GPC5: variants seen among roughly 807,000 people sequenced by gnomAD.
The protein encoded by GPC5 is glypican-5.
A neutral mutation model predicts 53.9 loss-of-function variants in GPC5; 47 were observed. The ratio of observed to expected loss-of-function variants is 0.87; its 90% CI spans 0.69 to 1.11. The LOEUF (loss-of-function observed/expected upper bound fraction) is 1.11, where lower values mean the gene tolerates loss of function less well. Ranked by LOEUF, GPC5 falls within the 50% of genes most tolerant of loss-of-function variation. The pLI is 0.00. For synonymous variants in GPC5, 286 were observed against 263.3 expected (o/e 1.09, Z -0.84); for missense variants, 748 against 713.1 (o/e 1.05, Z -0.56).
intron 7 of GPC5, among the ~76,000 whole-genome samples, chr13:92,472,380 G>A (rs4300502): frequency 6.6e-6 from 1 of 152,104 alleles, no homozygotes; most frequent in Non-Finnish European, 1.5e-5. Flanking sequence ...TTGTAGTCTA[G>A]TAAGGTTGTT....
intron 7 of GPC5, among the ~76,000 whole-genome samples, chr13:92,606,873 A>G (rs1884277232): frequency 1.3e-5 from 2 of 152,196 alleles, no homozygotes; most frequent in Admixed American, 1.3e-4. Flanking sequence ...CAATGTAAAT[A>G]TCACTTGCAA....
rs140373665 is a variant in GPC5, at chr13:92,221,868, G to GAA, written c.1561+76883_1561+76884dup. Among the ~76,000 whole-genome samples the GAA allele has an allele frequency of 5.9e-5, 9 of 151,886 alleles. No homozygotes were observed. In the East Asian group the frequency reaches 1.4e-3, roughly 23 times the overall value. On this transcript the variant is annotated intron_variant, in intron 7 of 7. Transcript: ENST00000377067. ...GATATATCTCTTTAAACTCCCTAGA[G>GAA]AAAAATGACAATATACATTTAAATT...
intron 5 of GPC5, among the ~76,000 whole-genome samples, chr13:91,808,747 C>T (rs183491993): frequency 3.9e-4 from 59 of 152,118 alleles, no homozygotes; most frequent in Admixed American, 1.0e-3. Flanking sequence ...GCTTAGGACA[C>T]GGCTTGTCAT....
chr13:92,038,398 C>A (rs994825503), intron 6 of GPC5, among the ~76,000 whole-genome samples: 1 of 149,380 alleles, frequency 6.7e-6, no homozygotes, highest in African/African-American at 2.5e-5. Flanking sequence ...ATAGATAGAT[C>A]GATCCCTGTT....
intron 7 of GPC5, among the ~76,000 whole-genome samples, chr13:92,508,565 G>T (rs1364785087): frequency 1.3e-5 from 2 of 152,172 alleles, no homozygotes; most frequent in Non-Finnish European, 2.9e-5. Context: ...GAGACATTAA[G>T]TAACTTGCCC....
chr13:92,684,291 G>A (rs1887192573), intron 7 of GPC5, among the ~76,000 whole-genome samples: 2 of 150,894 alleles, frequency 1.3e-5, no homozygotes, highest in African/African-American at 4.9e-5. Context: ...TTGTTTTTGA[G>A]ACGGAGTCTT....
chr13:91,856,595 A>G (rs896446882), intron 5 of GPC5, among the ~76,000 whole-genome samples: 7 of 151,328 alleles, frequency 4.6e-5, no homozygotes, highest in East Asian at 1.9e-4. Flanking sequence ...GGCCATTCGT[A>G]TATCTTTTTT....
At chr13:92,843,473 T>C (rs772200752) in intron 7 of GPC5, among the ~76,000 whole-genome samples, 4 of 152,116 alleles carry the variant, frequency 2.6e-5, no homozygotes, top group Non-Finnish European at 5.9e-5. Flanking sequence ...AACTACATGG[T>C]TGAATTTAAG....
At position 91,739,202 on chromosome 13, in the gene GPC5, AAG is replaced by A. The variant is rs1334404458; in HGVS notation, c.1154+10538_1154+10539del. Among the ~76,000 whole-genome samples the A allele has an allele frequency of 4.0e-5, 6 of 151,532 alleles. No individual in the cohort carries two copies. In the South Asian group the frequency reaches 1.2e-3, roughly 31 times the overall value. ...ACACGTTGTGTCTAAGTGGTATGGA[AAG>A]TGTAGTGGAACAAATATAATATGAG... On this transcript the variant is annotated intron_variant, in intron 4 of 7. Coordinates refer to ENST00000377067, the MANE Select transcript of GPC5 (RefSeq NM_004466.6).
rs138091545 is a variant in GPC5, at chr13:91,754,526, A to G, written c.1155-1769A>G. Among the ~76,000 whole-genome samples, 912 of 152,192 alleles carry G rather than the reference A, an allele frequency of 6.0e-3. 9 individuals carry two copies. Among genetic ancestry groups the G allele is most frequent in the Middle Eastern group, 0.02 (6 of 294 alleles). On this transcript the variant is annotated intron_variant, in intron 4 of 7. Transcript: ENST00000377067. ...AAATATTTACAATTTTACATCATCA[A>G]TTTAAAAGTCTCAACATTCCATCAA...
Position 92,579,830 on chromosome 13 carries a change from A to G in GPC5, c.1562-286452A>G, listed in dbSNP as rs183472598. Among the ~76,000 whole-genome samples, 1,312 of 151,894 alleles carry G rather than the reference A, an allele frequency of 8.6e-3. 24 individuals are homozygous for G. The highest frequency in any genetic ancestry group is 0.03 in the African/African-American group (1,232 of 41,446). On this transcript the variant is annotated intron_variant, in intron 7 of 7. Transcript: ENST00000377067. ...ATACCTAGACCTAACACATCCTATA[A>G]GGTTTCTCTCTCTCTCTCTCTTTCT...
chr13:92,261,449 T>C (rs1325364830), intron 7 of GPC5, among the ~76,000 whole-genome samples: 3 of 152,168 alleles, frequency 2.0e-5, no homozygotes, highest in African/African-American at 7.2e-5. Flanking sequence ...AATGGATTGG[T>C]AGCTCTTGGT....
chr13:92,515,084 A>G (rs948386063), intron 7 of GPC5, among the ~76,000 whole-genome samples: 1 of 152,228 alleles, frequency 6.6e-6, no homozygotes, highest in Non-Finnish European at 1.5e-5. Flanking sequence ...TCAAAAGAGT[A>G]GTCAAGGTAA....
At chr13:92,808,157 T>A (rs1037380555) in intron 7 of GPC5, among the ~76,000 whole-genome samples, 1 of 151,776 alleles carries the variant, frequency 6.6e-6, no homozygotes. Context: ...AACAAAACAT[T>A]TCTAGACATG....
At chr13:92,291,932 C>T (rs2042999556) in intron 7 of GPC5, among the ~76,000 whole-genome samples, 1 of 152,148 alleles carries the variant, frequency 6.6e-6, no homozygotes. Flanking sequence ...TGAACACATC[C>T]AAACATCAGA....
At chr13:92,758,662 T>C (rs933118868) in intron 7 of GPC5, among the ~76,000 whole-genome samples, 1 of 152,174 alleles carries the variant, frequency 6.6e-6, no homozygotes, top group Non-Finnish European at 1.5e-5. Flanking sequence ...TTTTCAAGAT[T>C]ATACTCCTTA....
At position 92,282,772 on chromosome 13, in the gene GPC5, C is replaced by T. The variant is rs565683380; in HGVS notation, c.1561+137783C>T. ...AAACATGGAAAGGAACAAAAGATAC[C>T]GGCCACTGCAATAACATGCCAAATT... On this transcript the variant is annotated intron_variant, in intron 7 of 7. Transcript: ENST00000377067. Among the ~76,000 whole-genome samples the T allele has an allele frequency of 9.2e-5, 14 of 152,176 alleles. No individual in the cohort carries two copies. The South Asian group carries it at 1.0e-3, about 11-fold the overall frequency.
At chr13:91,576,884 G>A (rs1488835601) in intron 2 of GPC5, among the ~76,000 whole-genome samples, 1 of 152,042 alleles carries the variant, frequency 6.6e-6, no homozygotes, top group African/African-American at 2.4e-5. Flanking sequence ...GTCACACTTA[G>A]CAGATTCAGT....
At chr13:92,614,387 G>A (rs1324740930) in intron 7 of GPC5, among the ~76,000 whole-genome samples, 5 of 152,154 alleles carry the variant, frequency 3.3e-5, no homozygotes, top group Admixed American at 1.3e-4. Flanking sequence ...TTAATACCCC[G>A]AAAAAGCCAT....
Sources: allele counts gnomAD v4.1 joint callset (sites outside exome capture counted in the v4.1 genomes callset), GRCh38; gene constraint gnomAD v4.1.1; transcripts MANE v1.5; gene names NCBI Gene and HGNC (gene_info 2026-07-23, HGNC 2026-07-21).